Variants in BAZ2B observed in about 807,000 individuals in gnomAD.
BAZ2B encodes bromodomain adjacent to zinc finger domain 2B, also known as bromodomain adjacent to zinc finger domain protein 2B.
In BAZ2B, 91 loss-of-function variants were observed where a neutral mutation model predicts 246.0. The observed-to-expected ratio is 0.37, with a 90% CI of 0.31 to 0.44. BAZ2B has a LOEUF of 0.44. BAZ2B is among the 20% of genes least tolerant of loss of function. BAZ2B has a pLI of 1.00. For synonymous variants in BAZ2B, 855 were observed against 860.0 expected (o/e 0.99, Z 0.10); for missense variants, 2,332 against 2,533.7 (o/e 0.92, Z 1.71).
At chr2:159,550,526 A>G (rs2088025606) in intron 2 of BAZ2B, among the ~76,000 whole-genome samples, 1 of 152,134 alleles carries the variant, frequency 6.6e-6, no homozygotes, top group East Asian at 1.9e-4. Flanking sequence ...TACTATACCT[A>G]GCTGCAAGGG....
At chr2:159,696,001 T>C in the BAZ2B span, among the ~76,000 whole-genome samples, 1 of 152,076 alleles carries the variant, frequency 6.6e-6, no homozygotes, top group Non-Finnish European at 1.5e-5. Flanking sequence ...CCTCAAGCGA[T>C]CCCCAACCTT....
intron 2 of BAZ2B, among the ~76,000 whole-genome samples, chr2:159,489,390 A>G (rs2080196981): frequency 6.6e-6 from 1 of 152,186 alleles, no homozygotes; most frequent in South Asian, 2.1e-4. Context: ...ATAAGCATCG[A>G]AAAACAGTTA....
chr2:159,506,247 A>G (rs992704834), intron 2 of BAZ2B, among the ~76,000 whole-genome samples: 1 of 152,106 alleles, frequency 6.6e-6, no homozygotes, highest in Admixed American at 6.6e-5. Context: ...AATCCTTACC[A>G]TGGTCTATTG....
intron 6 of BAZ2B, among the ~76,000 whole-genome samples, chr2:159,442,123 T>C (rs575744508): frequency 1.3e-5 from 2 of 152,170 alleles, no homozygotes; most frequent in South Asian, 2.1e-4. Context: ...AATAACTGGA[T>C]AGACAATGTG....
intron 1 of BAZ2B, among the ~76,000 whole-genome samples, chr2:159,576,954 G>A (rs1685492980): frequency 6.7e-6 from 1 of 149,204 alleles, no homozygotes; most frequent in South Asian, 2.1e-4. Flanking sequence ...GGCCAGGCAC[G>A]GTGGCTCACA....
intron 2 of BAZ2B, among the ~76,000 whole-genome samples, chr2:159,505,358 T>TAA (rs532713083): frequency 1.9e-4 from 29 of 152,284 alleles, no homozygotes; most frequent in African/African-American, 6.7e-4. Flanking sequence ...CAAATATATA[T>TAA]AAATCTGTGA....
At chr2:159,508,024 C>T (rs1306725481) in intron 2 of BAZ2B, among the ~76,000 whole-genome samples, 1 of 152,130 alleles carries the variant, frequency 6.6e-6, no homozygotes, top group African/African-American at 2.4e-5. Context: ...TCATGCGCCA[C>T]CATGCCCAGC....
At chr2:159,385,762 G>A (rs1375811277) in intron 22 of BAZ2B, among the ~76,000 whole-genome samples, 1 of 152,036 alleles carries the variant, frequency 6.6e-6, no homozygotes, top group Non-Finnish European at 1.5e-5. Context: ...TACCCTTAAA[G>A]TGTTATAGGT....
intron 31 of BAZ2B, among the ~76,000 whole-genome samples, chr2:159,340,620 T>C (rs760207760): frequency 6.6e-5 from 10 of 151,602 alleles, no homozygotes; most frequent in African/African-American, 1.2e-4. Context: ...AATGGGATGA[T>C]ATATTCAAAG....
chr2:159,375,831 T>C (rs2061355831), intron 25 of BAZ2B, among the ~76,000 whole-genome samples: 2 of 152,162 alleles, frequency 1.3e-5, no homozygotes, highest in South Asian at 4.1e-4. Flanking sequence ...AGGTTTTAAA[T>C]CTAGGAGACT....
chr2:159,612,969 T>C (rs960242898), intron 1 of BAZ2B, among the ~76,000 whole-genome samples: 3 of 152,110 alleles, frequency 2.0e-5, no homozygotes, highest in Non-Finnish European at 4.4e-5. Context: ...GAATGGCTTA[T>C]AAAAAATAAA....
At chr2:159,538,884 TA>T (rs969807444) in intron 2 of BAZ2B, among the ~76,000 whole-genome samples, 4 of 152,202 alleles carry the variant, frequency 2.6e-5, no homozygotes, top group African/African-American at 9.7e-5. Context: ...AAATGCAACA[TA>T]ACGCTTTTTC....
chr2:159,704,704 A>G, the BAZ2B span, among the ~76,000 whole-genome samples: 1 of 149,364 alleles, frequency 6.7e-6, no homozygotes, highest in African/African-American at 2.5e-5. Flanking sequence ...CTGGTCTCAA[A>G]CTCCTGAATT....
In BAZ2B at chr2:159,350,223, G is replaced by C; in HGVS notation, c.4348C>G (p.Leu1450Val). Residue 1450 changes from leucine to valine, a missense_variant, in exon 28 of 37, where the codon CTT (leucine) becomes GTT (valine). Transcript: ENST00000392783. Reference sequence around the variant, plus strand: ...AGATTTGTGTTATCTTTTTCTTTAAGATCTTCCTTTTGTTCACAGTGATCT... The same window carrying C: ...AGATTTGTGTTATCTTTTTCTTTAACATCTTCCTTTTGTTCACAGTGATCT... Reference protein sequence around the residue: ...NTDHCEQKEDLKEKDNTNLFL... With the variant: ...NTDHCEQKEDVKEKDNTNLFL... 6.2e-7 allele frequency: 1 copy of C among 1,613,760 alleles called. No homozygotes were observed. The highest frequency in any genetic ancestry group is 8.5e-7 in the Non-Finnish European group (1 of 1,179,862).
At chr2:159,574,553 TA>T (rs1025774356) in intron 1 of BAZ2B, among the ~76,000 whole-genome samples, 2 of 151,970 alleles carry the variant, frequency 1.3e-5, no homozygotes, top group African/African-American at 2.4e-5. Flanking sequence ...CATATGTCCA[TA>T]AAAAAACCTA....
At chr2:159,405,853 T>C (rs1326241409) in intron 14 of BAZ2B, among the ~76,000 whole-genome samples, 1 of 152,014 alleles carries the variant, frequency 6.6e-6, no homozygotes, top group Non-Finnish European at 1.5e-5. Flanking sequence ...AAATACAAAG[T>C]CCCCTCCCAC....
At chr2:159,455,763 G>GTTTTTTT (rs60866580) in intron 3 of BAZ2B, among the ~76,000 whole-genome samples, 1 of 64,606 alleles carries the variant, frequency 1.5e-5, no homozygotes, top group Non-Finnish European at 2.9e-5. Flanking sequence ...AAATATTGTG[G>GTTTTTTT]TTTTTTTTTT....
At chr2:159,572,870 C>T (rs1684367677) in intron 1 of BAZ2B, among the ~76,000 whole-genome samples, 1 of 152,290 alleles carries the variant, frequency 6.6e-6, no homozygotes, top group South Asian at 2.1e-4. Context: ...ATGTACCTGC[C>T]TCTCTCTTAA....
intron 1 of BAZ2B, among the ~76,000 whole-genome samples, chr2:159,599,491 G>A (rs1288057418): frequency 6.6e-6 from 1 of 152,110 alleles, no homozygotes; most frequent in African/African-American, 2.4e-5. Flanking sequence ...GGTGGTGCAT[G>A]CCTGTGATCC....
Sources: allele counts gnomAD v4.1 joint callset (sites outside exome capture counted in the v4.1 genomes callset), GRCh38; gene constraint gnomAD v4.1.1; transcripts MANE v1.5; gene names NCBI Gene and HGNC (gene_info 2026-07-23, HGNC 2026-07-21).